CTXND1: variants seen among roughly 807,000 people sequenced by gnomAD.
The protein encoded by CTXND1 is cortexin domain-containing 1 protein.
chr15:80,209,807 G>C (rs1893186098), intron 1 of CTXND1, among the ~76,000 whole-genome samples: 1 of 152,178 alleles, frequency 6.6e-6, no homozygotes, highest in South Asian at 2.1e-4. Flanking sequence ...GAGGTGCTCA[G>C]GGAAGGCGCA....
intron 1 of CTXND1, among the ~76,000 whole-genome samples, chr15:80,227,685 C>T (rs1184103109): frequency 6.6e-6 from 1 of 152,108 alleles, no homozygotes; most frequent in Non-Finnish European, 1.5e-5. Context: ...AACTTACATA[C>T]CTTAATTAAA....
chr15:80,204,645 T>TTATATATATATATATATA (rs1567127795), intron 1 of CTXND1, among the ~76,000 whole-genome samples: 2 of 33,560 alleles, frequency 6.0e-5, no homozygotes, highest in African/African-American at 4.0e-4. Flanking sequence ...TAATATTCCA[T>TTATATATATATATATATA]TGTATATATA....
intron 1 of CTXND1, among the ~76,000 whole-genome samples, chr15:80,216,603 TTTTA>T (rs35519515): frequency 6.6e-6 from 1 of 150,522 alleles, no homozygotes; most frequent in Non-Finnish European, 1.5e-5. Flanking sequence ...CCTTCCATTA[TTTTA>T]TTTATTTATT....
intron 1 of CTXND1, among the ~76,000 whole-genome samples, chr15:80,240,224 C>T (rs1297223731): frequency 6.6e-6 from 1 of 152,202 alleles, no homozygotes; most frequent in Non-Finnish European, 1.5e-5. Flanking sequence ...CTCGGCCTCC[C>T]AAAGTGGTGG....
At chr15:80,228,325 T>C (rs550961660) in intron 1 of CTXND1, among the ~76,000 whole-genome samples, 5 of 152,384 alleles carry the variant, frequency 3.3e-5, no homozygotes, top group African/African-American at 1.2e-4. Context: ...ATGTTCTTAA[T>C]GGCATCTAGA....
At chr15:80,214,155 G>A (rs533518668) in intron 1 of CTXND1, among the ~76,000 whole-genome samples, 1 of 152,038 alleles carries the variant, frequency 6.6e-6, no homozygotes, top group Non-Finnish European at 1.5e-5. Context: ...AGTGGGAAAA[G>A]GTAGAAGGAA....
chr15:80,219,814 T>A (rs1893292594), intron 1 of CTXND1, among the ~76,000 whole-genome samples: 1 of 152,216 alleles, frequency 6.6e-6, no homozygotes, highest in African/African-American at 2.4e-5. Flanking sequence ...ATTGGGCATT[T>A]AGTTTTCCTC....
At chr15:80,229,070 C>A (rs1893402132) in intron 1 of CTXND1, among the ~76,000 whole-genome samples, 1 of 152,184 alleles carries the variant, frequency 6.6e-6, no homozygotes, top group Non-Finnish European at 1.5e-5. Flanking sequence ...GTCCCAAGCA[C>A]TTCAGGTAAA....
chr15:80,238,017 A>G (rs1893521519), intron 1 of CTXND1, among the ~76,000 whole-genome samples: 1 of 151,754 alleles, frequency 6.6e-6, no homozygotes. Flanking sequence ...TCAAAAAAAA[A>G]AAAAAAAAAA....
chr15:80,236,016 A>G (rs1338940034), intron 1 of CTXND1, among the ~76,000 whole-genome samples: 2 of 146,120 alleles, frequency 1.4e-5, no homozygotes, highest in Non-Finnish European at 3.0e-5. Flanking sequence ...TGGGAACCAT[A>G]CTAGATCCTG....
chr15:80,233,354 A>G (rs1308235818), intron 1 of CTXND1, among the ~76,000 whole-genome samples: 2 of 152,230 alleles, frequency 1.3e-5, no homozygotes, highest in African/African-American at 2.4e-5. Context: ...TAAAGTGCTT[A>G]GCATAGTTAC....
intron 1 of CTXND1, among the ~76,000 whole-genome samples, chr15:80,227,321 T>A (rs1030838633): frequency 1.3e-5 from 2 of 152,196 alleles, no homozygotes; most frequent in African/African-American, 4.8e-5. Context: ...AATATCACAG[T>A]CTTCCACACT....
intron 1 of CTXND1, among the ~76,000 whole-genome samples, chr15:80,239,763 C>A (rs1893543820): frequency 6.6e-6 from 1 of 152,140 alleles, no homozygotes; most frequent in African/African-American, 2.4e-5. Context: ...CCACAGAGTC[C>A]AGTCCCTTCA....
At chr15:80,240,401 G>C (rs987837126) in intron 1 of CTXND1, among the ~76,000 whole-genome samples, 4 of 152,154 alleles carry the variant, frequency 2.6e-5, no homozygotes, top group African/African-American at 9.7e-5. Context: ...TGTTCTGCCA[G>C]GCGTCCCAGA....
intron 1 of CTXND1, among the ~76,000 whole-genome samples, chr15:80,212,016 G>A (rs963719664): frequency 3.9e-5 from 6 of 152,180 alleles, no homozygotes; most frequent in African/African-American, 1.4e-4. Flanking sequence ...GGAAGTGCCT[G>A]GGAGTTAGGA....
chr15:80,202,122 A>C, intron 2 of CTXND1, 108 bp from the exon 3 acceptor site: 1 of 392,940 alleles, frequency 2.5e-6, no homozygotes, highest in East Asian at 3.6e-5. Context: ...CTGCACCGAG[A>C]GCTTGCTGCT....
intron 1 of CTXND1, among the ~76,000 whole-genome samples, chr15:80,204,169 A>AATAT (rs1282033532): frequency 6.4e-4 from 42 of 65,184 alleles, no homozygotes; most frequent in African/African-American, 2.0e-3. Context: ...AAAAAAAAAA[A>AATAT]ATATATATAT....
chr15:80,205,579 C>T (rs1398710328), intron 1 of CTXND1, among the ~76,000 whole-genome samples: 1 of 152,116 alleles, frequency 6.6e-6, no homozygotes, highest in Non-Finnish European at 1.5e-5. Context: ...TTGAAACTTA[C>T]ATTTGTCTCA....
At chr15:80,210,854 T>G (rs1218341146) in intron 1 of CTXND1, among the ~76,000 whole-genome samples, 2 of 152,228 alleles carry the variant, frequency 1.3e-5, no homozygotes, top group Non-Finnish European at 2.9e-5. Context: ...GCTCTCTTCC[T>G]GGCCTGCAGA....
Sources: gnomAD v4.1 joint callset for allele counts (sites outside exome capture counted in the v4.1 genomes callset) on GRCh38, gnomAD v4.1.1 for gene constraint, MANE v1.5 for transcripts, NCBI Gene and HGNC (gene_info 2026-07-23, HGNC 2026-07-21) for gene names.